The following NFKB1 variants were observed in gnomAD, a reference collection of about 807,000 sequenced individuals.
The protein encoded by NFKB1 is nuclear factor kappa B subunit 1, also known as nuclear factor NF-kappa-B p105 subunit.
NFKB1 carries 9 observed loss-of-function variants against 105.1 expected under a neutral mutation model. The observed-to-expected ratio is 0.09, with a 90% CI of 0.05 to 0.15. The LOEUF is 0.15. Among genes scored for constraint, NFKB1 ranks in the 10% least tolerant of loss-of-function variants. NFKB1 has a pLI of 1.00. For missense variants in NFKB1, 830 were observed against 1,203.7 expected, an observed-to-expected ratio of 0.69 and a Z score of 4.59; for synonymous variants, 440 against 442.2, an observed-to-expected ratio of 1.00 and a Z score of 0.06.
intron 1 of NFKB1, among the ~76,000 whole-genome samples, chr4:102,521,778 A>G (rs1451766802): frequency 2.0e-5 from 3 of 152,192 alleles, no homozygotes; most frequent in Non-Finnish European, 4.4e-5. Flanking sequence ...TAGTGGGGGC[A>G]TTGTCACACA....
intron 11 of NFKB1, 143 bp downstream of exon 11, chr4:102,584,963 CT>C (rs752639918): frequency 6.0e-6 from 4 of 671,638 alleles, no homozygotes; most frequent in Non-Finnish European, 4.8e-6. Context: ...CTCACTGCAA[CT>C]TCGAACTCCT....
chr4:102,505,779 T>C (rs536196496), intron 1 of NFKB1, among the ~76,000 whole-genome samples: 1 of 152,194 alleles, frequency 6.6e-6, no homozygotes, highest in South Asian at 2.1e-4. Flanking sequence ...TAATCAATAC[T>C]GACGAAAGAA....
chr4:102,579,568 C>T (rs1725149603), intron 8 of NFKB1, among the ~76,000 whole-genome samples: 1 of 150,044 alleles, frequency 6.7e-6, no homozygotes. Context: ...GTCTCACCTA[C>T]TTGGGAGGCT....
intron 5 of NFKB1, among the ~76,000 whole-genome samples, chr4:102,557,591 T>A (rs1723084774): frequency 6.6e-6 from 1 of 152,144 alleles, no homozygotes; most frequent in Non-Finnish European, 1.5e-5. Context: ...ATTTGAGGAA[T>A]AACAGACAGT....
At chr4:102,552,867 T>C (rs918043178) in intron 5 of NFKB1, among the ~76,000 whole-genome samples, 2 of 152,192 alleles carry the variant, frequency 1.3e-5, no homozygotes, top group African/African-American at 4.8e-5. Context: ...CTTCCTACTT[T>C]TGTTTACATC....
chr4:102,606,333 G>A (rs1727722488), intron 16 of NFKB1, among the ~76,000 whole-genome samples, 163 bp from the exon 17 acceptor site: 1 of 152,212 alleles, frequency 6.6e-6, no homozygotes, highest in Admixed American at 6.5e-5. Context: ...TTAGCATATA[G>A]TATGGAACAG....
chr4:102,577,941 C>G (rs1724998326), intron 7 of NFKB1: 1 of 985,302 alleles, frequency 1.0e-6, no homozygotes, highest in Non-Finnish European at 1.2e-6. Context: ...TGTTGCTGCT[C>G]CGTGTCTCCG....
intron 19 of NFKB1, among the ~76,000 whole-genome samples, chr4:102,610,109 A>G (rs1728254931): frequency 6.6e-6 from 1 of 152,262 alleles, no homozygotes; most frequent in South Asian, 2.1e-4. Flanking sequence ...GAAACTGGCC[A>G]TGCTGTCACT....
intron 2 of NFKB1, among the ~76,000 whole-genome samples, chr4:102,527,019 TATTAA>T (rs368636561): frequency 1.3e-5 from 2 of 152,246 alleles, no homozygotes; most frequent in African/African-American, 4.8e-5. Flanking sequence ...ATAATGGCAA[TATTAA>T]ATTATTTATG....
chr4:102,585,213 A>G (rs1186204728), intron 11 of NFKB1, among the ~76,000 whole-genome samples: 3 of 152,132 alleles, frequency 2.0e-5, no homozygotes, highest in African/African-American at 7.2e-5. Flanking sequence ...TGAGAAGAGG[A>G]CAAGCTAATT....
At chr4:102,556,285 C>T (rs1433610390) in intron 5 of NFKB1, among the ~76,000 whole-genome samples, 1 of 152,076 alleles carries the variant, frequency 6.6e-6, no homozygotes, top group Non-Finnish European at 1.5e-5. Context: ...GGAAATTTTG[C>T]ACATGCTTAA....
At chr4:102,538,961 G>C (rs868035876) in intron 5 of NFKB1, among the ~76,000 whole-genome samples, 2 of 151,946 alleles carry the variant, frequency 1.3e-5, no homozygotes, top group African/African-American at 4.8e-5. Flanking sequence ...AAATCTGGCC[G>C]GGCTCGTTGA....
intron 9 of NFKB1, 126 bp from the exon 10 acceptor site, chr4:102,582,740 T>C (rs1262019994): frequency 3.7e-6 from 2 of 545,400 alleles, no homozygotes; most frequent in Admixed American, 6.5e-5. Context: ...CTGAACCTTT[T>C]GATCTTGTTT....
intron 1 of NFKB1, among the ~76,000 whole-genome samples, chr4:102,503,106 A>G (rs1053754535): frequency 2.6e-5 from 4 of 152,216 alleles, no homozygotes; most frequent in African/African-American, 7.2e-5. Context: ...TTGAGGCACT[A>G]TAGGAATTAT....
chr4:102,531,863 T>C (rs1286412351), intron 3 of NFKB1, among the ~76,000 whole-genome samples: 1 of 152,230 alleles, frequency 6.6e-6, no homozygotes, highest in Non-Finnish European at 1.5e-5. Context: ...TGAAGTTTAA[T>C]GTAAACATGC....
At chr4:102,533,779 G>T in intron 3 of NFKB1, 66 bp from the exon 4 acceptor site, 3 of 1,375,840 alleles carry the variant, frequency 2.2e-6, no homozygotes, top group South Asian at 1.3e-5. Flanking sequence ...CTTGCTTTAC[G>T]TTTTATACCA....
At chr4:102,600,669 T>C (rs936472434) in intron 15 of NFKB1, among the ~76,000 whole-genome samples, 1 of 152,144 alleles carries the variant, frequency 6.6e-6, no homozygotes, top group Admixed American at 6.5e-5. Context: ...GCCAGGAAGG[T>C]ACCACAAATA....
intron 6 of NFKB1, among the ~76,000 whole-genome samples, chr4:102,574,552 C>T (rs1409140340): frequency 6.6e-6 from 1 of 152,096 alleles, no homozygotes; most frequent in Non-Finnish European, 1.5e-5. Flanking sequence ...CAATATTTAA[C>T]TGTGTCTCCT....
intron 14 of NFKB1, 44 bp downstream of exon 14, chr4:102,596,376 G>T: frequency 6.5e-7 from 1 of 1,528,510 alleles, no homozygotes; most frequent in Non-Finnish European, 8.9e-7. Flanking sequence ...GGCTGGGGAG[G>T]GGTCAGTCCT....
Sources: gnomAD v4.1 joint callset for allele counts (sites outside exome capture counted in the v4.1 genomes callset) on GRCh38, gnomAD v4.1.1 for gene constraint, MANE v1.5 for transcripts, NCBI Gene and HGNC (gene_info 2026-07-23, HGNC 2026-07-21) for gene names.